The following SMYD3 variants were observed in gnomAD, a reference collection of about 807,000 sequenced individuals.
SMYD3 encodes the protein histone-lysine N-methyltransferase SMYD3.
In SMYD3, 36 loss-of-function variants were observed where a neutral mutation model predicts 57.7. The observed-to-expected ratio is 0.62, with a 90% CI of 0.48 to 0.82. The LOEUF is 0.82. Ranked by LOEUF, SMYD3 falls within the 40% of genes least tolerant of loss-of-function variation. The pLI is 0.00. For synonymous variants in SMYD3, 211 were observed against 195.0 expected (o/e 1.08, Z -0.68); for missense variants, 515 against 538.8 (o/e 0.96, Z 0.44).
chr1:245,859,267 T>TGTA (rs760702231), intron 9 of SMYD3, among the ~76,000 whole-genome samples: 7 of 152,204 alleles, frequency 4.6e-5, no homozygotes, highest in Non-Finnish European at 1.0e-4. Flanking sequence ...GACCCCAGCC[T>TGTA]GTACTTAACC....
intron 8 of SMYD3, among the ~76,000 whole-genome samples, chr1:245,910,583 T>C (rs940608829): frequency 6.6e-6 from 1 of 152,014 alleles, no homozygotes; most frequent in Non-Finnish European, 1.5e-5. Context: ...AATGGACATA[T>C]GGACCAATGG....
chr1:246,399,099 G>A (rs1311032947), intron 1 of SMYD3, among the ~76,000 whole-genome samples: 1 of 152,140 alleles, frequency 6.6e-6, no homozygotes, highest in Non-Finnish European at 1.5e-5. Flanking sequence ...CTGGCTCACT[G>A]CAACCTCCGC....
chr1:246,011,064 A>G (rs1458559742), intron 5 of SMYD3, among the ~76,000 whole-genome samples: 2 of 152,210 alleles, frequency 1.3e-5, no homozygotes, highest in Non-Finnish European at 2.9e-5. Context: ...AGAAATCTAC[A>G]TTTTAAATCG....
At chr1:246,002,236 G>C (rs1470310197) in intron 5 of SMYD3, among the ~76,000 whole-genome samples, 66 of 148,298 alleles carry the variant, frequency 4.5e-4, no homozygotes, top group African/African-American at 1.4e-3. Flanking sequence ...CCAGGCTGGA[G>C]TGCTGTGGCG....
At chr1:246,282,850 C>T (rs1375441471) in intron 5 of SMYD3, among the ~76,000 whole-genome samples, 3 of 152,252 alleles carry the variant, frequency 2.0e-5, no homozygotes, top group Non-Finnish European at 2.9e-5. Context: ...ATAAATCAAC[C>T]TGGTTTGTTG....
chr1:246,094,596 C>G (rs2060880925), intron 5 of SMYD3, among the ~76,000 whole-genome samples: 1 of 152,182 alleles, frequency 6.6e-6, no homozygotes, highest in Non-Finnish European at 1.5e-5. Context: ...TTTTAAAGCC[C>G]TCTGGGTTGT....
chr1:245,983,224 AT>A (rs2148077243), intron 5 of SMYD3, among the ~76,000 whole-genome samples: 1 of 152,298 alleles, frequency 6.6e-6, no homozygotes, highest in Non-Finnish European at 1.5e-5. Flanking sequence ...CTTTCACCCC[AT>A]GGGGGTTGTG....
At chr1:245,757,811 T>C (rs1338083184) in intron 11 of SMYD3, among the ~76,000 whole-genome samples, 1 of 152,156 alleles carries the variant, frequency 6.6e-6, no homozygotes, top group Non-Finnish European at 1.5e-5. Context: ...TATCACCCTG[T>C]TTTGACTACT....
chr1:246,247,495 A>T (rs1319642898), intron 5 of SMYD3, among the ~76,000 whole-genome samples: 1 of 141,074 alleles, frequency 7.1e-6, no homozygotes, highest in Non-Finnish European at 1.5e-5. Flanking sequence ...ATTTTTTAAC[A>T]TGGGACTCAT....
chr1:246,241,326 CT>C (rs1173500977), intron 5 of SMYD3, among the ~76,000 whole-genome samples: 2 of 152,090 alleles, frequency 1.3e-5, no homozygotes, highest in Non-Finnish European at 1.5e-5. Context: ...TGTCGAAGGC[CT>C]TTTCTGCATC....
intron 10 of SMYD3, among the ~76,000 whole-genome samples, chr1:245,827,866 C>T (rs539188861): frequency 4.6e-5 from 7 of 152,332 alleles, no homozygotes; most frequent in African/African-American, 1.7e-4. Context: ...GAGTCCAGAA[C>T]CCAGTCTTCT....
intron 1 of SMYD3, among the ~76,000 whole-genome samples, chr1:246,368,173 A>G (rs1223654728): frequency 6.6e-6 from 1 of 152,212 alleles, no homozygotes; most frequent in Non-Finnish European, 1.5e-5. Context: ...AAACTTAGAT[A>G]TGGGTATAGC....
rs1172165655 is a variant in SMYD3, at chr1:245,977,023, C to G, written c.532-47086G>C. ...TCTAGCCCAGGGAAAGCCATCGTCT[C>G]TAGCCCAGGGAAAGCCATCGTCTCC... On this transcript the variant is annotated intron_variant, in intron 5 of 11. Transcript: ENST00000490107. Among the ~76,000 whole-genome samples, 2 of 120,322 alleles carry G rather than the reference C, an allele frequency of 1.7e-5. 1 individual carries two copies. The highest frequency in any genetic ancestry group is 7.2e-5 in the African/African-American group (2 of 27,954). 78.9% of individuals were successfully genotyped at this position (120,322 alleles called of 152,430 possible).
At chr1:246,369,986 A>C (rs549174848) in intron 1 of SMYD3, among the ~76,000 whole-genome samples, 19 of 152,184 alleles carry the variant, frequency 1.2e-4, no homozygotes, top group Non-Finnish European at 2.6e-4. Flanking sequence ...AAACACAAGC[A>C]CCTTAAATCC....
intron 5 of SMYD3, among the ~76,000 whole-genome samples, chr1:246,311,393 C>T (rs1016138524): frequency 6.6e-6 from 1 of 152,152 alleles, no homozygotes; most frequent in Non-Finnish European, 1.5e-5. Context: ...AGCTAGAAGC[C>T]TGCCATAATG....
At chr1:246,327,756 C>CTCTA (rs1269322184) in intron 4 of SMYD3, among the ~76,000 whole-genome samples, 1 of 152,110 alleles carries the variant, frequency 6.6e-6, no homozygotes, top group Admixed American at 6.6e-5. Context: ...ACAGCATCAC[C>CTCTA]TCTAAGGCAA....
At chr1:246,333,126 T>C (rs1468747770) in intron 3 of SMYD3, among the ~76,000 whole-genome samples, 1 of 152,186 alleles carries the variant, frequency 6.6e-6, no homozygotes, top group Non-Finnish European at 1.5e-5. Context: ...TTACTATTTG[T>C]GGTAAATCGA....
intron 1 of SMYD3, among the ~76,000 whole-genome samples, chr1:246,374,847 G>GT (rs1350902452): frequency 2.9e-5 from 4 of 139,608 alleles, no homozygotes; most frequent in Admixed American, 6.9e-5. Flanking sequence ...TATCCCAGCA[G>GT]TTTGGGGGGC....
At chr1:246,280,764 C>T (rs900883465) in intron 5 of SMYD3, among the ~76,000 whole-genome samples, 1 of 152,120 alleles carries the variant, frequency 6.6e-6, no homozygotes, top group African/African-American at 2.4e-5. Flanking sequence ...ATTAAACTGA[C>T]CCCTGCTGGC....
Sources: allele counts gnomAD v4.1 joint callset (sites outside exome capture counted in the v4.1 genomes callset), GRCh38; gene constraint gnomAD v4.1.1; transcripts MANE v1.5; gene names NCBI Gene and HGNC (gene_info 2026-07-23, HGNC 2026-07-21).